Variants in CCDC30 observed in about 807,000 individuals in gnomAD.
CCDC30 encodes the protein coiled-coil domain-containing protein 30.
In CCDC30, 70 loss-of-function variants were observed where a neutral mutation model predicts 100.2. That is an observed-to-expected ratio of 0.70 (90% CI 0.58 to 0.85). CCDC30 has a LOEUF of 0.85. CCDC30 is among the 40% of genes least tolerant of loss of function. The pLI is 0.00. For synonymous variants in CCDC30, 233 were observed against 269.5 expected (o/e 0.86, Z 1.33); for missense variants, 652 against 771.2 (o/e 0.85, Z 1.83).
intron 6 of CCDC30, among the ~76,000 whole-genome samples, chr1:42,531,651 A>G (rs1644808008): frequency 2.6e-5 from 4 of 152,070 alleles, no homozygotes; most frequent in Admixed American, 2.6e-4. Flanking sequence ...AGTTCCAACT[A>G]CTCAGGAGGC....
intron 6 of CCDC30, chr1:42,537,442 G>T: frequency 2.8e-6 from 1 of 352,460 alleles, no homozygotes. Context: ...CTCTTCCTGT[G>T]GTTTTGGGAG....
intron 6 of CCDC30, chr1:42,556,232 CAGA>C: frequency 1.2e-6 from 2 of 1,613,874 alleles, no homozygotes; most frequent in Non-Finnish European, 1.7e-6. Context: ...AAGAGAGGGG[CAGA>C]AGGAGGAGGG....
upstream of CCDC30, among the ~76,000 whole-genome samples, chr1:42,458,515 C>T (rs1643305242): frequency 3.9e-5 from 6 of 152,278 alleles, 1 homozygote; most frequent in Admixed American, 3.3e-4. Flanking sequence ...AAGAAACATA[C>T]CCTGCCTTTG....
intron 1 of CCDC30, chr1:42,464,244 G>A (rs1263519122): frequency 1.3e-5 from 2 of 152,128 alleles, no homozygotes. Context: ...AATACTGTAG[G>A]TCTAGTGTGT....
intron 1 of CCDC30, among the ~76,000 whole-genome samples, chr1:42,474,128 C>T (rs1643850084): frequency 6.6e-6 from 1 of 152,150 alleles, no homozygotes; most frequent in Non-Finnish European, 1.5e-5. Context: ...AAATTTAATT[C>T]TTAAAGGACA....
chr1:42,485,634 G>A (rs1353782017), intron 3 of CCDC30, among the ~76,000 whole-genome samples: 1 of 152,040 alleles, frequency 6.6e-6, no homozygotes, highest in Admixed American at 6.6e-5. Flanking sequence ...GGGTGACAGA[G>A]CAAGACCCTG....
intron 11 of CCDC30, among the ~76,000 whole-genome samples, chr1:42,618,825 T>A (rs1646776155): frequency 6.6e-6 from 1 of 152,182 alleles, no homozygotes; most frequent in African/African-American, 2.4e-5. Context: ...CATATCCACA[T>A]ATCAGGCAGT....
rs115155031 is a variant in CCDC30, at chr1:42,643,280, G to A, written c.1556+671G>A. Among the ~76,000 whole-genome samples the A allele has an allele frequency of 7.0e-3, 1,070 of 152,288 alleles. 13 individuals carry two copies. The highest frequency in any genetic ancestry group is 0.022 in the African/African-American group (905 of 41,542). On this transcript the variant is annotated intron_variant, in intron 13 of 16. Transcript: ENST00000668663. Reference sequence around the variant, plus strand: ...TACAGATAGGAAGCCAAGGTCTAGAGAGGTGAGGGAACTCACTCAGCCCAG... The same window carrying A: ...TACAGATAGGAAGCCAAGGTCTAGAAAGGTGAGGGAACTCACTCAGCCCAG...
rs981644468 is a variant in CCDC30, at chr1:42,546,044, A to G, written c.457-20252A>G. 5.9e-5 allele frequency among the ~76,000 whole-genome samples: 9 copies of G among 152,068 alleles called. No homozygotes were observed. The South Asian group carries it at 1.5e-3, about 25-fold the overall frequency. On this transcript the variant is annotated intron_variant, in intron 6 of 16. Transcript: ENST00000668663. ...TTCTCCAAAAAGTTCGTCTTTTGAT[A>G]TATTATTACATTTTAAAACTTTTTT...
chr1:42,595,316 G>A (rs546073976), intron 10 of CCDC30: 2 of 152,384 alleles, frequency 1.3e-5, no homozygotes, highest in African/African-American at 4.8e-5. Flanking sequence ...GAAGCCCAAG[G>A]CGGGCGGATC....
intron 6 of CCDC30, among the ~76,000 whole-genome samples, chr1:42,548,518 T>C (rs187404897): frequency 9.2e-5 from 14 of 152,170 alleles, no homozygotes; most frequent in Admixed American, 5.9e-4. Context: ...GTAAAATGGA[T>C]AGAAAAATAG....
chr1:42,515,940 G>T (rs913296166), intron 6 of CCDC30, among the ~76,000 whole-genome samples: 1 of 152,106 alleles, frequency 6.6e-6, no homozygotes, highest in Non-Finnish European at 1.5e-5. Flanking sequence ...ACCACATTTT[G>T]CTGATCTATT....
chr1:42,516,677 A>G (rs1644560228), intron 6 of CCDC30, among the ~76,000 whole-genome samples: 1 of 151,280 alleles, frequency 6.6e-6, no homozygotes, highest in South Asian at 2.1e-4. Flanking sequence ...ATTTTTCACC[A>G]TAAGCTGAAA....
At chr1:42,589,685 G>T (rs1027842749) in intron 10 of CCDC30, 3 of 426,224 alleles carry the variant, frequency 7.0e-6, no homozygotes, top group African/African-American at 6.0e-5. Flanking sequence ...AAGGGACCAG[G>T]GGAGAGTAGA....
chr1:42,594,710 ACAT>A (rs1212506990), intron 10 of CCDC30: 1 of 152,192 alleles, frequency 6.6e-6, no homozygotes, highest in African/African-American at 2.4e-5. Flanking sequence ...TTAAATTAAA[ACAT>A]CATGGTCTTC....
intron 4 of CCDC30, among the ~76,000 whole-genome samples, chr1:42,491,557 T>A (rs184666435): frequency 6.6e-6 from 1 of 151,470 alleles, no homozygotes; most frequent in East Asian, 1.9e-4. Flanking sequence ...CACAACAGGG[T>A]GACTATAGTC....
intron 12 of CCDC30, among the ~76,000 whole-genome samples, chr1:42,641,034 T>C (rs1018385640): frequency 6.6e-6 from 1 of 151,896 alleles, no homozygotes; most frequent in Non-Finnish European, 1.5e-5. Context: ...AGCAGGAGGA[T>C]AGTTCGAGGC....
At chr1:42,504,881 T>C (rs557403051) in intron 6 of CCDC30, among the ~76,000 whole-genome samples, 12 of 152,326 alleles carry the variant, frequency 7.9e-5, no homozygotes, top group East Asian at 3.9e-4. Flanking sequence ...TAAACTTCTT[T>C]GCATAGCTAG....
intron 6 of CCDC30, among the ~76,000 whole-genome samples, chr1:42,520,134 C>A (rs1045402343): frequency 6.8e-6 from 1 of 146,756 alleles, no homozygotes; most frequent in Non-Finnish European, 1.5e-5. Flanking sequence ...TTATTTCCTT[C>A]CTTTTGCTAC....
Sources: allele counts gnomAD v4.1 joint callset (sites outside exome capture counted in the v4.1 genomes callset), GRCh38; gene constraint gnomAD v4.1.1; transcripts MANE v1.5; gene names NCBI Gene and HGNC (gene_info 2026-07-23, HGNC 2026-07-21).